METTL15: variants seen among roughly 807,000 people sequenced by gnomAD.
METTL15 encodes the protein methyltransferase 15, mitochondrial 12S rRNA N4-cytidine.
In METTL15, 34 loss-of-function variants were observed where a neutral mutation model predicts 38.3. The observed-to-expected ratio is 0.89, with a 90% CI of 0.68 to 1.18. The LOEUF (loss-of-function observed/expected upper bound fraction) is 1.18, where lower values mean the gene tolerates loss of function less well. Among genes scored for constraint, METTL15 ranks in the 50% most tolerant of loss-of-function variants. METTL15 has a pLI of 0.00. For missense variants in METTL15, 438 were observed against 498.4 expected (o/e 0.88, Z 1.15); for synonymous variants, 162 against 170.9 (o/e 0.95, Z 0.41).
chr11:28,481,226 A>T (rs929504939), intron 6 of METTL15, among the ~76,000 whole-genome samples: 4 of 152,144 alleles, frequency 2.6e-5, no homozygotes, highest in Non-Finnish European at 5.9e-5. Flanking sequence ...ACTCATATCC[A>T]TGTGGAAAAT....
intron 6 of METTL15, 77 bp downstream of exon 6, chr11:28,297,008 C>G: frequency 1.4e-6 from 2 of 1,388,518 alleles, no homozygotes; most frequent in Non-Finnish European, 2.0e-6. Context: ...TGTGCATGCA[C>G]GCATGCACAT....
At chr11:28,264,916 T>A (rs1565210371) in intron 4 of METTL15, among the ~76,000 whole-genome samples, 1 of 152,144 alleles carries the variant, frequency 6.6e-6, no homozygotes, top group Non-Finnish European at 1.5e-5. Context: ...GCATAAGTGA[T>A]ATGTATGGGA....
intron 3 of METTL15, among the ~76,000 whole-genome samples, chr11:28,196,760 C>T (rs1415361872): frequency 6.6e-6 from 1 of 151,560 alleles, no homozygotes; most frequent in Non-Finnish European, 1.5e-5. Flanking sequence ...AATATTACTT[C>T]ATTTAAGTCA....
chr11:28,364,377 T>C (rs965175384), intron 5 of METTL15, among the ~76,000 whole-genome samples: 15 of 152,190 alleles, frequency 9.9e-5, no homozygotes, highest in African/African-American at 2.9e-4. Flanking sequence ...TTTGTAGTTC[T>C]CCTTGTAGAG....
chr11:28,388,556 A>T (rs1850465467), intron 5 of METTL15, among the ~76,000 whole-genome samples: 1 of 152,192 alleles, frequency 6.6e-6, no homozygotes, highest in African/African-American at 2.4e-5. Context: ...GCAATACTAA[A>T]AGAAACAAAT....
At chr11:28,519,599 T>A (rs1590402418) in intron 6 of METTL15, among the ~76,000 whole-genome samples, 1 of 151,508 alleles carries the variant, frequency 6.6e-6, no homozygotes. Flanking sequence ...GCCACATGCA[T>A]GAATCAAAGG....
chr11:28,224,820 A>C (rs1853406086), intron 4 of METTL15, among the ~76,000 whole-genome samples: 2 of 151,786 alleles, frequency 1.3e-5, no homozygotes, highest in South Asian at 4.1e-4. Context: ...ATATCCGGAT[A>C]CATTGGTGTT....
chr11:28,384,188 A>G (rs1054310799), intron 5 of METTL15, among the ~76,000 whole-genome samples: 1 of 151,834 alleles, frequency 6.6e-6, no homozygotes. Flanking sequence ...TATATACCCC[A>G]TTTTCTTTAT....
At chr11:28,269,794 C>T (rs1354082921) in intron 4 of METTL15, among the ~76,000 whole-genome samples, 1 of 152,174 alleles carries the variant, frequency 6.6e-6, no homozygotes, top group East Asian at 1.9e-4. Flanking sequence ...GCTGTGCATC[C>T]ATGCATGGAG....
At chr11:28,291,604 G>A (rs1437090823) in intron 5 of METTL15, among the ~76,000 whole-genome samples, 1 of 152,098 alleles carries the variant, frequency 6.6e-6, no homozygotes, top group Non-Finnish European at 1.5e-5. Flanking sequence ...TTGTTCCTAA[G>A]TGTTATACCT....
At chr11:28,306,737 A>G (rs1857095326) in intron 6 of METTL15, among the ~76,000 whole-genome samples, 1 of 152,058 alleles carries the variant, frequency 6.6e-6, no homozygotes, top group Admixed American at 6.6e-5. Flanking sequence ...AATGTCAAAG[A>G]GAGAGAATTC....
chr11:28,436,201 CA>C (rs2133436283), intron 6 of METTL15, among the ~76,000 whole-genome samples: 1 of 152,258 alleles, frequency 6.6e-6, no homozygotes, highest in South Asian at 2.1e-4. Context: ...GCCATTTCTC[CA>C]GTCTCCTTTA....
intron 6 of METTL15, among the ~76,000 whole-genome samples, chr11:28,503,259 G>T (rs1851599473): frequency 6.6e-6 from 1 of 152,172 alleles, no homozygotes; most frequent in Non-Finnish European, 1.5e-5. Flanking sequence ...TGACCCTTGT[G>T]GGGTGTAAAA....
At chr11:28,414,582 A>G (rs962251519) in intron 5 of METTL15, among the ~76,000 whole-genome samples, 3 of 152,194 alleles carry the variant, frequency 2.0e-5, no homozygotes, top group South Asian at 2.1e-4. Flanking sequence ...CAGAGGTTCT[A>G]TGTAGTTTCA....
intron 3 of METTL15, among the ~76,000 whole-genome samples, chr11:28,186,798 A>G (rs1471265718): frequency 6.6e-6 from 1 of 151,150 alleles, no homozygotes; most frequent in Non-Finnish European, 1.5e-5. Flanking sequence ...GCTGTGATTA[A>G]GTAAGTTTAA....
intron 4 of METTL15, among the ~76,000 whole-genome samples, chr11:28,279,238 A>G (rs536351093): frequency 3.3e-5 from 5 of 152,120 alleles, no homozygotes; most frequent in African/African-American, 9.6e-5. Flanking sequence ...CCTTTTTTTA[A>G]TATTTGCATG....
intron 3 of METTL15, among the ~76,000 whole-genome samples, chr11:28,114,918 G>A (rs974301643): frequency 1.2e-4 from 19 of 152,190 alleles, no homozygotes; most frequent in Non-Finnish European, 2.2e-4. Context: ...TACACTGGCT[G>A]AGTGGTTAGG....
At chr11:28,396,104 A>T (rs1032218880) in intron 5 of METTL15, among the ~76,000 whole-genome samples, 51 of 152,312 alleles carry the variant, frequency 3.3e-4, no homozygotes, top group Non-Finnish European at 6.8e-4. Flanking sequence ...TCTCAAAATA[A>T]TAAGAGCTGT....
chr11:28,427,688 T>C (rs1850877433), intron 6 of METTL15, among the ~76,000 whole-genome samples: 1 of 152,216 alleles, frequency 6.6e-6, no homozygotes. Context: ...TTATTCTTTT[T>C]GTGGCAATTG....
Sources: gnomAD v4.1 joint callset for allele counts (sites outside exome capture counted in the v4.1 genomes callset) on GRCh38, gnomAD v4.1.1 for gene constraint, MANE v1.5 for transcripts, NCBI Gene and HGNC (gene_info 2026-07-23, HGNC 2026-07-21) for gene names.